Variants in ZNF112 observed in about 807,000 individuals in gnomAD.
ZNF112 encodes zinc finger protein 112.
ZNF112 carries 37 observed loss-of-function variants against 77.7 expected under a neutral mutation model. The observed-to-expected ratio is 0.48, with a 90% CI of 0.37 to 0.63. ZNF112 has a LOEUF of 0.63. Among genes scored for constraint, ZNF112 ranks in the 20% least tolerant of loss-of-function variants. The pLI is 0.00. For missense variants in ZNF112, 950 were observed against 1,077.4 expected, an observed-to-expected ratio of 0.88 and a Z score of 1.66; for synonymous variants, 333 against 363.6, an observed-to-expected ratio of 0.92 and a Z score of 0.96.
At chr19:44,361,472 G>A (rs1483733680), upstream of ZNF112, among the ~76,000 whole-genome samples, 1 of 152,118 alleles carries the variant, frequency 6.6e-6, no homozygotes, top group Non-Finnish European at 1.5e-5. Context: ...GCCATAAAAA[G>A]AAATGAGATA....
chr19:44,361,222 G>A (rs1970852406), upstream of ZNF112, among the ~76,000 whole-genome samples: 1 of 152,118 alleles, frequency 6.6e-6, no homozygotes, highest in East Asian at 1.9e-4. Flanking sequence ...TTAGGGTAGT[G>A]GTTTCTTTTT....
At position 44,328,665 on chromosome 19, in the gene ZNF112, T is replaced by C. The variant is rs142095072; in HGVS notation, c.1492A>G (p.Asn498Asp). Reference sequence around the variant, plus strand: ...AGTTTTGAGCTCCAGTTGAAGCCATTCCCATGCTCCTTACGTGGTTTCTCT... The same window carrying C: ...AGTTTTGAGCTCCAGTTGAAGCCATCCCCATGCTCCTTACGTGGTTTCTCT... ...IGEKPRKEHG[N>D]GFNWSSKLKD... is the part of the protein sequence containing the mutation. The change falls in exon 4 of 4, where the codon AAT becomes GAT. Residue 498 changes from asparagine to aspartate, a missense_variant. By Grantham distance (23) the Asn-to-Asp change is conservative (BLOSUM62 1). This residue lies in a region of ZNF112 where 560 missense variants were observed against 557.3 expected (regional missense o/e 1.00). Transcript: ENST00000354340. The C allele has an allele frequency of 1.2e-6, 2 of 1,614,020 alleles. No individual in the cohort carries two copies. The highest frequency in any genetic ancestry group is 1.7e-6 in the Non-Finnish European group (2 of 1,180,022).
upstream of ZNF112, among the ~76,000 whole-genome samples, chr19:44,359,058 C>T (rs1420605705): frequency 6.6e-6 from 1 of 152,146 alleles, no homozygotes; most frequent in Non-Finnish European, 1.5e-5. Flanking sequence ...CATTATTAAA[C>T]AACTTCCCAA....
rs1383952372 is a variant in ZNF112 at position 44,328,075 on chromosome 19, C to CT, written c.2081dup (p.Ser695GlufsTer24). 6.2e-7 allele frequency: 1 copy of CT among 1,613,918 alleles called. No individual in the cohort carries two copies. Among genetic ancestry groups the CT allele is most frequent in the Non-Finnish European group, 8.5e-7 (1 of 1,180,004 alleles). ...GAAGGTATGATCTCTGACTGAAACT[C>CT]TTACCACACTCATCACATTGGTATG... is the stretch of plus-strand genomic sequence containing the variant. On this transcript the variant is annotated frameshift_variant, in exon 4 of 4. Coordinates refer to ENST00000354340, the MANE Select transcript of ZNF112 (RefSeq NM_013380.4). LOFTEE classifies it high-confidence loss of function.
At chr19:44,348,304 C>T (rs904094783) in intron 1 of ZNF112, among the ~76,000 whole-genome samples, 1 of 152,078 alleles carries the variant, frequency 6.6e-6, no homozygotes, top group Non-Finnish European at 1.5e-5. Context: ...CCTCCTGAGA[C>T]TCCAAAGACA....
In ZNF112 at chr19:44,328,626, T is replaced by C; in HGVS notation, c.1531A>G (p.Arg511Gly). Residue 511 changes from arginine (R) to glycine (G), a missense_variant, in exon 4 of 4, where the codon AGA (arginine) becomes GGA (glycine). Arg to Gly is a moderately radical substitution (Grantham distance 125). This residue lies in a region of ZNF112 where 560 missense variants were observed against 557.3 expected (regional missense o/e 1.00). Transcript: ENST00000354340. The part of the protein sequence containing the change: ...NWSSKLKDHQ[R>G]VHTGQKPYKC... ...TATGGCTTCTGTCCAGTGTGGACTC[T>C]CTGATGATCTTTAAGTTTTGAGCTC... The C allele has an allele frequency of 6.2e-7, 1 of 1,614,166 alleles. No homozygotes were observed. Among genetic ancestry groups the C allele is most frequent in the Non-Finnish European group, 8.5e-7 (1 of 1,180,014 alleles).
intron 3 of ZNF112, among the ~76,000 whole-genome samples, chr19:44,332,653 T>G (rs1970291951): frequency 6.6e-6 from 1 of 152,216 alleles, no homozygotes; most frequent in South Asian, 2.1e-4. Flanking sequence ...ATGTAGTGGC[T>G]TGAGAACATG....
upstream of ZNF112, among the ~76,000 whole-genome samples, chr19:44,361,655 A>C (rs1970856080): frequency 6.6e-6 from 1 of 152,198 alleles, no homozygotes; most frequent in African/African-American, 2.4e-5. Flanking sequence ...TAATTGATAG[A>C]GCACAGGGTA....
intron 1 of ZNF112, chr19:44,343,185 G>C: frequency 6.4e-7 from 1 of 1,559,492 alleles, no homozygotes. Context: ...AAAGAAGGGG[G>C]AAAAAGATAT....
upstream of ZNF112, among the ~76,000 whole-genome samples, chr19:44,360,121 T>A (rs1046324014): frequency 4.6e-5 from 7 of 150,804 alleles, no homozygotes; most frequent in African/African-American, 1.7e-4. Context: ...CCGGGCATGG[T>A]GGCACGTGCC....
chr19:44,358,055 G>A (rs1216720238), upstream of ZNF112, among the ~76,000 whole-genome samples: 1 of 151,662 alleles, frequency 6.6e-6, no homozygotes, highest in Non-Finnish European at 1.5e-5. Context: ...GGGAGGCTGA[G>A]GCAGGAGAAT....
intron 1 of ZNF112, among the ~76,000 whole-genome samples, chr19:44,356,098 T>C (rs1332719846): frequency 3.3e-5 from 5 of 152,170 alleles, no homozygotes; most frequent in Non-Finnish European, 7.4e-5. Flanking sequence ...GGGCCAGGGA[T>C]ACTCTGCAGC....
chr19:44,359,454 G>C (rs1204778810), upstream of ZNF112, among the ~76,000 whole-genome samples: 1 of 149,614 alleles, frequency 6.7e-6, no homozygotes, highest in Non-Finnish European at 1.5e-5. Flanking sequence ...CTCCCGAGTA[G>C]CTGGGATTAC....
At chr19:44,358,464 G>C (rs1970821040), upstream of ZNF112, among the ~76,000 whole-genome samples, 1 of 152,098 alleles carries the variant, frequency 6.6e-6, no homozygotes, top group Non-Finnish European at 1.5e-5. Flanking sequence ...GAGAAATGGT[G>C]GGCCAAAATT....
chr19:44,343,130 T>C (rs996574789), intron 1 of ZNF112: 1 of 1,023,612 alleles, frequency 9.8e-7, no homozygotes, highest in African/African-American at 1.6e-5. Flanking sequence ...AAGAGCCTGA[T>C]ACATAAATGA....
intron 1 of ZNF112, among the ~76,000 whole-genome samples, chr19:44,350,343 C>T (rs1382018851): frequency 2.6e-5 from 4 of 151,864 alleles, no homozygotes; most frequent in Non-Finnish European, 4.4e-5. Flanking sequence ...TCTGACTTGC[C>T]CTACCACATG....
chr19:44,367,216 T>A, exon 1 of ZNF112: 1 of 448,670 alleles, frequency 2.2e-6, no homozygotes, highest in Middle Eastern at 3.8e-4. Flanking sequence ...GACCTCACTT[T>A]CATGGAGCGG....
chr19:44,362,398 G>A (rs747773089), intron 1 of ZNF112, among the ~76,000 whole-genome samples: 3 of 152,050 alleles, frequency 2.0e-5, no homozygotes, highest in Non-Finnish European at 4.4e-5. Flanking sequence ...GAAAAAATAA[G>A]CTTTGCATTT....
upstream of ZNF112, among the ~76,000 whole-genome samples, chr19:44,358,434 C>T (rs1970820831): frequency 6.6e-6 from 1 of 152,066 alleles, no homozygotes. Flanking sequence ...TGTCAAAAGG[C>T]ATCAAAAGAC....
Sources: gnomAD v4.1 joint callset for allele counts (sites outside exome capture counted in the v4.1 genomes callset) on GRCh38, gnomAD v4.1.1 for gene constraint, gnomAD v4.1.1 regional missense constraint, MANE v1.5 for transcripts, NCBI Gene and HGNC (gene_info 2026-07-23, HGNC 2026-07-21) for gene names.